Variants in WDR1 observed in about 807,000 individuals in gnomAD.
The protein encoded by WDR1 is WD repeat domain 1, also known as WD repeat-containing protein 1.
Under a neutral mutation model 71.9 loss-of-function variants are expected in WDR1, and 21 were observed. The ratio of observed to expected loss-of-function variants is 0.29; its 90% CI spans 0.21 to 0.42. The LOEUF is 0.42. Among genes scored for constraint, WDR1 ranks in the 10% least tolerant of loss-of-function variants. The probability of loss-of-function intolerance (pLI) is 1.00; values close to 1 mark genes in which losing one functional copy is unlikely to be tolerated. For missense variants in WDR1, 696 were observed against 824.5 expected (o/e 0.84, Z 1.91); for synonymous variants, 424 against 347.4 (o/e 1.22, Z -2.45).
intron 11 of WDR1, 100 bp from the exon 12 acceptor site, chr4:10,079,101 G>T: frequency 1.0e-6 from 1 of 971,488 alleles, no homozygotes; most frequent in Non-Finnish European, 1.5e-6. Context: ...ACTGGAGCTG[G>T]GTTTGGCTCC....
At chr4:10,102,772 C>A (rs765853244) in intron 3 of WDR1, among the ~76,000 whole-genome samples, 1 of 152,166 alleles carries the variant, frequency 6.6e-6, no homozygotes, top group African/African-American at 2.4e-5. Flanking sequence ...AGGGCCACGG[C>A]GTGCATGAGT....
At chr4:10,096,607 A>C in intron 5 of WDR1, 1 of 152,252 alleles carries the variant, frequency 6.6e-6, no homozygotes, top group Non-Finnish European at 1.5e-5. Flanking sequence ...CCCTAAGCCA[A>C]GAACAGTCTC....
At chr4:10,100,392 G>A (rs564614015) in intron 3 of WDR1, among the ~76,000 whole-genome samples, 4 of 152,330 alleles carry the variant, frequency 2.6e-5, no homozygotes, top group Admixed American at 6.5e-5. Flanking sequence ...TAACACGTGC[G>A]AAGTCTCCAA....
intron 8 of WDR1, among the ~76,000 whole-genome samples, chr4:10,086,056 C>T (rs1051900158): frequency 1.6e-4 from 24 of 152,178 alleles, no homozygotes; most frequent in African/African-American, 5.3e-4. Flanking sequence ...CCAACAGAAA[C>T]GGGACGGCAG....
chr4:10,077,207 T>A (rs1764832760), intron 14 of WDR1, 97 bp downstream of exon 14: 1 of 1,491,984 alleles, frequency 6.7e-7, no homozygotes, highest in African/African-American at 1.4e-5. Flanking sequence ...AGAGGCTACT[T>A]AGCCCTGGGG....
At chr4:10,088,557 C>G (rs1480618018) in intron 6 of WDR1, 107 bp downstream of exon 6, 1 of 1,184,056 alleles carries the variant, frequency 8.4e-7, no homozygotes. Flanking sequence ...AGGGCGATGT[C>G]TAAGTTCTGC....
rs137926524 is a variant in WDR1 at position 10,114,033 on chromosome 4, T to C, written c.138+2080A>G. Among the ~76,000 whole-genome samples the C allele has an allele frequency of 5.7e-3, 862 of 152,274 alleles. 5 individuals carry two copies. The highest frequency in any genetic ancestry group is 0.012 in the South Asian group (56 of 4,826). ...CATCCTTCCTGAACGGTCATGCCAA[T>C]TCATGTCACTTTTTTTTCCAAGAGT... On this transcript the variant is annotated intron_variant, in intron 2 of 14. Coordinates refer to ENST00000499869, the MANE Select transcript of WDR1 (RefSeq NM_017491.5).
At chr4:10,085,658 T>A (rs928625349) in intron 8 of WDR1, among the ~76,000 whole-genome samples, 1 of 152,258 alleles carries the variant, frequency 6.6e-6, no homozygotes. Context: ...CATGCCCAGA[T>A]GCCCACGGGT....
intron 3 of WDR1, among the ~76,000 whole-genome samples, chr4:10,102,412 G>A (rs1048637901): frequency 6.6e-6 from 1 of 152,238 alleles, no homozygotes; most frequent in African/African-American, 2.4e-5. Flanking sequence ...TAGGCCAGGA[G>A]GGCTCTGCCC....
At chr4:10,103,225 C>T (rs752933195) in intron 3 of WDR1, among the ~76,000 whole-genome samples, 4 of 151,796 alleles carry the variant, frequency 2.6e-5, no homozygotes, top group Non-Finnish European at 4.4e-5. Flanking sequence ...GGGAAAGGAG[C>T]AGCGGGTAAA....
At chr4:10,079,263 TCACCACAG>T (rs555891145) in intron 11 of WDR1, among the ~76,000 whole-genome samples, 163 of 152,270 alleles carry the variant, frequency 1.1e-3, no homozygotes, top group Middle Eastern at 6.8e-3. Context: ...TCCAAGGCAG[TCACCACAG>T]CACCACCTCT....
chr4:10,116,478 G>T, intron 1 of WDR1, 173 bp downstream of exon 1: 1 of 727,520 alleles, frequency 1.4e-6, no homozygotes. Flanking sequence ...CGCACCCCCC[G>T]TCGGGGGTCC....
At chr4:10,094,373 C>A (rs1412563644) in intron 5 of WDR1, among the ~76,000 whole-genome samples, 1 of 152,198 alleles carries the variant, frequency 6.6e-6, no homozygotes, top group Non-Finnish European at 1.5e-5. Flanking sequence ...AGGCAAAGAA[C>A]CTGGCCCAAG....
chr4:10,090,221 T>C (rs748911215), intron 5 of WDR1, among the ~76,000 whole-genome samples: 10 of 152,306 alleles, frequency 6.6e-5, no homozygotes, highest in Non-Finnish European at 1.3e-4. Flanking sequence ...ACAAACTTTG[T>C]TATGGCAGCT....
At position 10,075,132 on chromosome 4, in the gene WDR1, T is replaced by C. The variant is rs575691320; in HGVS notation, c.*246A>G. On this transcript the variant is annotated 3_prime_UTR_variant, in exon 15 of 15. Transcript: ENST00000499869. Reference sequence around the variant, plus strand: ...CAAGGTTTGGTTGGGCTGTGGGTTTTAGTTATGCTCCACACATTGTTTAGG... The same window carrying C: ...CAAGGTTTGGTTGGGCTGTGGGTTTCAGTTATGCTCCACACATTGTTTAGG... 1.7e-3 allele frequency: 855 copies of C among 494,438 alleles called. 9 individuals carry two copies. The highest frequency in any genetic ancestry group is 0.015 in the African/African-American group (792 of 51,776). The allele number at this position is 494,438 out of a possible 1,614,324, so 30.6% of individuals were successfully genotyped here.
chr4:10,103,348 A>G (rs980916639), intron 3 of WDR1, among the ~76,000 whole-genome samples: 1 of 151,506 alleles, frequency 6.6e-6, no homozygotes, highest in Non-Finnish European at 1.5e-5. Context: ...CCAACATACC[A>G]TGCCATGGCT....
chr4:10,106,985 C>T lies in WDR1; in HGVS notation c.139-2999G>A, dbSNP rs1005181455. Among the ~76,000 whole-genome samples the T allele has an allele frequency of 3.9e-5, 6 of 152,182 alleles. No individual in the cohort carries two copies. The East Asian group carries it at 5.8e-4, about 15-fold the overall frequency. ...CCCCTCTCCCCCCAGCCTCCTCCCC[C>T]TCCTTCCATCTTGGGGAAGAAGAAT... On this transcript the variant is annotated intron_variant, in intron 2 of 14. Transcript: ENST00000499869.
At chr4:10,088,640 C>A in intron 6 of WDR1, 24 bp downstream of exon 6, 18 of 1,583,800 alleles carry the variant, frequency 1.1e-5, no homozygotes, top group Non-Finnish European at 1.5e-5. Flanking sequence ...CATTCCCCAC[C>A]CCAAAACCCA....
rs1711691284 is a variant in WDR1 at position 10,087,896 on chromosome 4, C to T, written c.762G>A (p.Gly254=). The change falls in exon 8 of 15, where the codon GGG becomes GGA. Residue 254 remains glycine (G), a synonymous_variant. Coordinates refer to ENST00000499869, the MANE Select transcript of WDR1 (RefSeq NM_017491.5). ...PDSTHLLSAS[G]DKTSKIWDVS... The stretch of plus-strand genomic sequence containing the variant: ...CGTCCCAAATCTTGGAAGTTTTGTC[C>T]CCAGAAGCAGAAAGCAAATGGGTGC... The T allele has an allele frequency of 2.6e-6, 4 of 1,562,142 alleles. No homozygotes were observed. Among genetic ancestry groups the T allele is most frequent in the East Asian group, 4.8e-5 (2 of 42,094 alleles).
Sources: gnomAD v4.1 joint callset for allele counts (sites outside exome capture counted in the v4.1 genomes callset) on GRCh38, gnomAD v4.1.1 for gene constraint, MANE v1.5 for transcripts, NCBI Gene and HGNC (gene_info 2026-07-23, HGNC 2026-07-21) for gene names.